The following NAALADL2 variants were observed in gnomAD, a reference collection of about 807,000 sequenced individuals.
NAALADL2 encodes inactive N-acetylated-alpha-linked acidic dipeptidase-like protein 2.
In NAALADL2, 76 loss-of-function variants were observed where a neutral mutation model predicts 87.2. The ratio of observed to expected loss-of-function variants is 0.87; its 90% CI spans 0.72 to 1.05. The LOEUF (loss-of-function observed/expected upper bound fraction) is 1.05, where lower values mean the gene tolerates loss of function less well. Among genes scored for constraint, NAALADL2 ranks in the 50% least tolerant of loss-of-function variants. The probability of loss-of-function intolerance (pLI) is 0.00; values close to 1 mark genes in which losing one functional copy is unlikely to be tolerated. For missense variants in NAALADL2, 1,089 were observed against 945.8 expected, an observed-to-expected ratio of 1.15 and a Z score of -1.99; for synonymous variants, 354 against 331.0, an observed-to-expected ratio of 1.07 and a Z score of -0.75.
intron 8 of NAALADL2, among the ~76,000 whole-genome samples, chr3:175,470,889 C>T (rs1724761017): frequency 6.6e-6 from 1 of 152,008 alleles, no homozygotes; most frequent in African/African-American, 2.4e-5. Flanking sequence ...ACTGGTAACA[C>T]AGGGTTATTT....
intron 3 of NAALADL2, among the ~76,000 whole-genome samples, chr3:174,853,545 A>G (rs1725507402): frequency 6.6e-6 from 1 of 152,096 alleles, no homozygotes; most frequent in Non-Finnish European, 1.5e-5. Context: ...GGATCACACC[A>G]AATTAAAAAC....
intron 2 of NAALADL2, among the ~76,000 whole-genome samples, chr3:174,663,090 ATTG>A (rs1361229347): frequency 2.6e-4 from 40 of 152,300 alleles, no homozygotes; most frequent in African/African-American, 9.1e-4. Context: ...GTAGATGAGT[ATTG>A]TTTAAAAATA....
At chr3:175,720,251 TTAAA>T (rs1742044699) in intron 11 of NAALADL2, among the ~76,000 whole-genome samples, 2 of 152,070 alleles carry the variant, frequency 1.3e-5, no homozygotes, top group African/African-American at 2.4e-5. Flanking sequence ...TTTGAAATTA[TTAAA>T]TAATTTTAAA....
At chr3:174,661,477 A>G (rs1725497184) in intron 2 of NAALADL2, among the ~76,000 whole-genome samples, 1 of 152,170 alleles carries the variant, frequency 6.6e-6, no homozygotes, top group Non-Finnish European at 1.5e-5. Flanking sequence ...AAGGAGGAAC[A>G]CTACCTAAAA....
intron 3 of NAALADL2, among the ~76,000 whole-genome samples, chr3:174,844,836 T>TTG (rs1491186482): frequency 4.9e-5 from 3 of 60,986 alleles, no homozygotes; most frequent in Non-Finnish European, 9.1e-5. Context: ...GTTCTAATGG[T>TTG]TTTTTTTTTT....
intron 2 of NAALADL2, among the ~76,000 whole-genome samples, chr3:175,143,836 A>T (rs113748970): frequency 5.9e-5 from 9 of 152,080 alleles, no homozygotes; most frequent in African/African-American, 2.2e-4. Context: ...TATCATCAGT[A>T]AATAATGGAC....
chr3:175,536,535 CATG>C (rs1490546627), intron 9 of NAALADL2, among the ~76,000 whole-genome samples: 14 of 151,742 alleles, frequency 9.2e-5, no homozygotes, highest in Admixed American at 2.0e-4. Context: ...AATGGAAATA[CATG>C]ATATTTAATT....
At chr3:174,823,491 T>TA (rs1201423581) in intron 3 of NAALADL2, among the ~76,000 whole-genome samples, 1 of 152,150 alleles carries the variant, frequency 6.6e-6, no homozygotes, top group East Asian at 1.9e-4. Flanking sequence ...TATAGATTGT[T>TA]ACAGAAACTT....
rs1426714881 is a variant in NAALADL2, at chr3:175,137,306, A to G, written c.545+40015A>G. Reference sequence around the variant, plus strand: ...TTTTTTAAATGTTTCACCCACATATATTATTTTAACCAGTTTATTTAACCT... The same window carrying G: ...TTTTTTAAATGTTTCACCCACATATGTTATTTTAACCAGTTTATTTAACCT... On this transcript the variant is annotated intron_variant, in intron 2 of 13. Transcript: ENST00000454872. Among the ~76,000 whole-genome samples, 13 of 152,242 alleles carry G rather than the reference A, an allele frequency of 8.5e-5. No homozygotes were observed. In the South Asian group the frequency reaches 2.7e-3, roughly 32 times the overall value.
Position 174,610,159 on chromosome 3 carries a change from T to C in NAALADL2, c.-115+59522T>C, listed in dbSNP as rs544366464. 2.1e-5 allele frequency among the ~76,000 whole-genome samples: 3 copies of C among 143,174 alleles called. No individual in the cohort carries two copies. In the East Asian group the frequency reaches 5.9e-4, roughly 28 times the overall value. The allele number at this position is 143,174 out of a possible 152,430, so 93.9% of individuals were successfully genotyped here. On this transcript the variant is annotated intron_variant, in intron 2 of 3. Coordinates refer to the NAALADL2 transcript ENST00000434257. The stretch of plus-strand genomic sequence containing the variant: ...CCTTCCTTACACTTTATACAAAAAT[T>C]AATTCAAGATGGATTAAAGACTTAA...
chr3:174,506,817 T>G (rs1364934573), intron 1 of NAALADL2, among the ~76,000 whole-genome samples: 6 of 152,146 alleles, frequency 3.9e-5, no homozygotes, highest in African/African-American at 1.4e-4. Context: ...TTGAAATTTT[T>G]AGTAGCCATT....
intron 3 of NAALADL2, among the ~76,000 whole-genome samples, chr3:174,762,762 A>T (rs1421082815): frequency 3.3e-5 from 5 of 152,150 alleles, no homozygotes; most frequent in Non-Finnish European, 5.9e-5. Context: ...AATCAGCGTG[A>T]TGGGTATACT....
intron 4 of NAALADL2, among the ~76,000 whole-genome samples, chr3:175,317,161 A>C (rs1374199421): frequency 6.6e-6 from 1 of 152,192 alleles, no homozygotes; most frequent in African/African-American, 2.4e-5. Context: ...TGATTATAAA[A>C]GGGGTCACAA....
intron 1 of NAALADL2, among the ~76,000 whole-genome samples, chr3:175,017,668 A>G (rs569840292): frequency 6.6e-6 from 1 of 152,254 alleles, no homozygotes; most frequent in South Asian, 2.1e-4. Context: ...GAAATATGCC[A>G]GTCTCTTCCC....
At chr3:175,436,724 G>A in intron 5 of NAALADL2, among the ~76,000 whole-genome samples, 1 of 62,396 alleles carries the variant, frequency 1.6e-5, no homozygotes, top group Non-Finnish European at 3.2e-5. Context: ...AAATTTGTTT[G>A]AGTTCATTGT....
intron 1 of NAALADL2, among the ~76,000 whole-genome samples, chr3:174,875,667 G>GA (rs993582402): frequency 3.6e-4 from 55 of 151,452 alleles, no homozygotes; most frequent in African/African-American, 1.1e-3. Context: ...TTCTAAGAAA[G>GA]AAAAAAAATG....
intron 11 of NAALADL2, among the ~76,000 whole-genome samples, chr3:175,720,694 G>A (rs939113883): frequency 4.3e-4 from 66 of 152,024 alleles, no homozygotes; most frequent in Admixed American, 3.4e-3. Flanking sequence ...TAAAAGAAAG[G>A]TTGCCTAAGT....
intron 1 of NAALADL2, among the ~76,000 whole-genome samples, chr3:174,547,523 G>T (rs1711539304): frequency 6.6e-6 from 1 of 151,746 alleles, no homozygotes; most frequent in Admixed American, 6.6e-5. Flanking sequence ...TGCCTCTTTG[G>T]GCCTAATAAT....
chr3:175,206,117 A>G (rs925568340), intron 2 of NAALADL2, among the ~76,000 whole-genome samples: 1 of 151,612 alleles, frequency 6.6e-6, no homozygotes, highest in East Asian at 1.9e-4. Context: ...CAGGAAAATA[A>G]GTCATTATAC....
Sources: allele counts gnomAD v4.1 joint callset (sites outside exome capture counted in the v4.1 genomes callset), GRCh38; gene constraint gnomAD v4.1.1; transcripts MANE v1.5; gene names NCBI Gene and HGNC (gene_info 2026-07-23, HGNC 2026-07-21).